The following EXOSC10 variants were observed in gnomAD, a reference collection of about 807,000 sequenced individuals.
EXOSC10 encodes exosome component 10.
In EXOSC10, 94 loss-of-function variants were observed where a neutral mutation model predicts 126.6. That is an observed-to-expected ratio of 0.74 (90% CI 0.63 to 0.88). EXOSC10 has a LOEUF of 0.88. EXOSC10 is among the 40% of genes least tolerant of loss of function. The pLI is 0.00. For missense variants in EXOSC10, 1,041 were observed against 1,100.5 expected (o/e 0.95, Z 0.77); for synonymous variants, 395 against 400.8 (o/e 0.99, Z 0.17).
intron 24 of EXOSC10, among the ~76,000 whole-genome samples, chr1:11,067,150 G>A (rs1436415316): frequency 6.6e-6 from 1 of 152,142 alleles, no homozygotes; most frequent in Non-Finnish European, 1.5e-5. Context: ...TACAAAAACA[G>A]GCCGGGCGCG....
At chr1:11,072,978 A>C (rs775953752) in intron 19 of EXOSC10, 6 of 152,356 alleles carry the variant, frequency 3.9e-5, no homozygotes, top group Non-Finnish European at 5.9e-5. Flanking sequence ...GAGTGTTTTA[A>C]AATTAAAGCT....
At chr1:11,096,754 C>T (rs1171032698) in intron 2 of EXOSC10, among the ~76,000 whole-genome samples, 2 of 152,176 alleles carry the variant, frequency 1.3e-5, no homozygotes, top group Non-Finnish European at 2.9e-5. Context: ...ACTAGGATTA[C>T]AGGCATGAGC....
At chr1:11,070,839 A>T (rs1355636290) in intron 21 of EXOSC10, 61 bp downstream of exon 21, 1 of 1,454,360 alleles carries the variant, frequency 6.9e-7, no homozygotes, top group East Asian at 2.3e-5. Context: ...TCCAAGGAAG[A>T]TCCTGACCAC....
intron 14 of EXOSC10, among the ~76,000 whole-genome samples, chr1:11,078,467 C>T (rs966593513): frequency 3.3e-5 from 5 of 151,842 alleles, no homozygotes; most frequent in Non-Finnish European, 5.9e-5. Flanking sequence ...CCGTTTTAGC[C>T]GGGATGGTCT....
chr1:11,096,353 G>A (rs950235384), intron 2 of EXOSC10, among the ~76,000 whole-genome samples: 1 of 151,920 alleles, frequency 6.6e-6, no homozygotes, highest in Non-Finnish European at 1.5e-5. Context: ...GTTTCACCAC[G>A]TTGGCCAGGC....
chr1:11,076,434 C>G (rs1469264948), intron 17 of EXOSC10, among the ~76,000 whole-genome samples: 1 of 152,166 alleles, frequency 6.6e-6, no homozygotes, highest in Non-Finnish European at 1.5e-5. Flanking sequence ...AGCGCACATT[C>G]TACAGTTCAT....
At chr1:11,067,876 G>A (rs1004542748) in intron 24 of EXOSC10, 132 bp downstream of exon 24, 4 of 706,508 alleles carry the variant, frequency 5.7e-6, no homozygotes, top group African/African-American at 3.6e-5. Flanking sequence ...CCTGGCTGTG[G>A]GAGGTTCTCT....
intron 4 of EXOSC10, 27 bp from the exon 5 acceptor site, chr1:11,091,206 A>T: frequency 6.3e-7 from 1 of 1,586,176 alleles, no homozygotes; most frequent in South Asian, 1.1e-5. Flanking sequence ...CAAATACTTT[A>T]TAACACAGCA....
intron 17 of EXOSC10, among the ~76,000 whole-genome samples, chr1:11,076,431 A>T (rs1639820717): frequency 6.6e-6 from 1 of 152,164 alleles, no homozygotes; most frequent in South Asian, 2.1e-4. Context: ...GGCAGCGCAC[A>T]TTCTACAGTT....
At chr1:11,083,882 G>C (rs1178869011) in intron 9 of EXOSC10, among the ~76,000 whole-genome samples, 1 of 140,030 alleles carries the variant, frequency 7.1e-6, no homozygotes, top group Non-Finnish European at 1.6e-5. Context: ...GCAGTGTTTG[G>C]TTTTTTGTTC....
intron 22 of EXOSC10, among the ~76,000 whole-genome samples, chr1:11,069,244 T>TGTGTGTGTGTGAGAGAGA: frequency 8.6e-6 from 1 of 116,822 alleles, no homozygotes. Flanking sequence ...TGTGTGTGTG[T>TGTGTGTGTGTGAGAGAGA]GAGAGAGAGA....
intron 9 of EXOSC10, among the ~76,000 whole-genome samples, chr1:11,086,408 T>C (rs181283046): frequency 1.3e-5 from 2 of 152,330 alleles, no homozygotes; most frequent in African/African-American, 4.8e-5. Flanking sequence ...TTTATTTGCG[T>C]AGAGGTGTTT....
At chr1:11,072,332 T>G in intron 19 of EXOSC10, 161 bp from the exon 20 acceptor site, 1 of 583,118 alleles carries the variant, frequency 1.7e-6, no homozygotes, top group Non-Finnish European at 3.0e-6. Flanking sequence ...AATTTCATGC[T>G]GGCTTTATTG....
chr1:11,067,799 C>G (rs1639193762), intron 24 of EXOSC10, among the ~76,000 whole-genome samples: 2 of 152,136 alleles, frequency 1.3e-5, no homozygotes, highest in African/African-American at 2.4e-5. Flanking sequence ...GGTGCAGTGC[C>G]TGGCTCTGTG....
intron 23 of EXOSC10, chr1:11,068,365 C>T: frequency 1.7e-6 from 1 of 591,044 alleles, no homozygotes; most frequent in Non-Finnish European, 3.0e-6. Context: ...TGAATGCAGG[C>T]TTGTGCTGGC....
intron 3 of EXOSC10, among the ~76,000 whole-genome samples, 176 bp from the exon 4 acceptor site, chr1:11,091,773 C>T (rs1322206626): frequency 6.6e-6 from 1 of 152,192 alleles, no homozygotes; most frequent in Non-Finnish European, 1.5e-5. Context: ...TCACTGCAAC[C>T]TCTGCCTCCA....
rs761897779 is a variant in EXOSC10, at chr1:11,091,536, C to T, written c.434G>A (p.Gly145Asp). Residue 145 changes from glycine to aspartate, a missense_variant, in exon 4 of 25, where the codon GGC (glycine) becomes GAC (aspartate). Physicochemically the swap from Gly to Asp is moderately conservative, Grantham distance 94 (BLOSUM62 -1). Transcript: ENST00000376936. ...NKNQQPVLPAGLQVPKTVVSS... is the reference protein window; with the variant it reads ...NKNQQPVLPADLQVPKTVVSS... ...CACTACCGTTTTGGGGACCTGCAAGCCGGCAGGGAGGACAGGCTGTTGATT... is the reference window on the plus strand; with the variant it reads ...CACTACCGTTTTGGGGACCTGCAAGTCGGCAGGGAGGACAGGCTGTTGATT... 9.9e-6 allele frequency: 16 copies of T among 1,614,068 alleles called. No homozygotes were observed. In the East Asian group the frequency reaches 3.6e-4, roughly 36 times the overall value.
intron 21 of EXOSC10, among the ~76,000 whole-genome samples, chr1:11,070,220 G>C (rs1311525663): frequency 6.8e-6 from 1 of 146,920 alleles, no homozygotes; most frequent in Non-Finnish European, 1.5e-5. Flanking sequence ...CTGGGCATCA[G>C]GGTAAGAGTA....
Position 11,073,983 on chromosome 1 carries a change from G to A in EXOSC10, c.2108C>T (p.Ala703Val). The change falls in exon 19 of 25, where the codon GCT becomes GTT. Residue 703 changes from alanine to valine, a missense_variant. Coordinates refer to ENST00000376936, the MANE Select transcript of EXOSC10 (RefSeq NM_001001998.3). Reference sequence around the variant, plus strand: ...GAACTTCGCTGCCTGAGAGACGGGAGCACGGTGTCCCAGTGAGGGCAGAAA... The same window carrying A: ...GAACTTCGCTGCCTGAGAGACGGGAACACGGTGTCCCAGTGAGGGCAGAAA... ...RMFLPSLGHR[A>V]PVSQAAKFDP... is the part of the protein sequence containing the mutation. 6.2e-7 allele frequency: 1 copy of A among 1,614,012 alleles called. No individual in the cohort carries two copies.
Sources: allele counts gnomAD v4.1 joint callset (sites outside exome capture counted in the v4.1 genomes callset), GRCh38; gene constraint gnomAD v4.1.1; transcripts MANE v1.5; gene names NCBI Gene and HGNC (gene_info 2026-07-23, HGNC 2026-07-21).